OSCP1: variants seen among roughly 807,000 people sequenced by gnomAD.
The protein encoded by OSCP1 is organic solute carrier partner 1.
A neutral mutation model predicts 45.1 loss-of-function variants in OSCP1; 35 were observed. The observed-to-expected ratio is 0.78, with a 90% CI of 0.59 to 1.03. The LOEUF is 1.03. Ranked by LOEUF, OSCP1 falls within the 50% of genes least tolerant of loss-of-function variation. The pLI is 0.00. For synonymous variants in OSCP1, 179 were observed against 180.1 expected, an observed-to-expected ratio of 0.99 and a Z score of 0.05; for missense variants, 400 against 470.7, an observed-to-expected ratio of 0.85 and a Z score of 1.39.
intron 9 of OSCP1, 53 bp from the exon 10 acceptor site, chr1:36,418,308 G>T (rs17442634): frequency 1.3e-6 from 2 of 1,530,454 alleles, no homozygotes; most frequent in African/African-American, 1.4e-5. Flanking sequence ...CTGGCAGGCC[G>T]CCTCTTTGTG....
chr1:36,447,601 C>T lies in OSCP1; in HGVS notation c.112+2657G>A, dbSNP rs557228047. Among the ~76,000 whole-genome samples the T allele has an allele frequency of 2.0e-5, 3 of 152,320 alleles. No individual in the cohort carries two copies. In the South Asian group the frequency reaches 6.2e-4, roughly 32 times the overall value. The stretch of plus-strand genomic sequence containing the variant: ...TGGGCTCAAATCCTTTACTTTTCCT[C>T]CTACCAGCCATGTAACTCTGGGCAA... On this transcript the variant is annotated intron_variant, in intron 1 of 9. Coordinates refer to ENST00000235532, the MANE Select transcript of OSCP1 (RefSeq NM_145047.5). This position sits in a 1 kb window ranked among gnomAD's most constrained non-coding sequence, Gnocchi z 4.1.
chr1:36,424,418 C>T (rs1229081234), intron 4 of OSCP1, among the ~76,000 whole-genome samples: 2 of 152,306 alleles, frequency 1.3e-5, no homozygotes, highest in East Asian at 1.9e-4. Flanking sequence ...TGCCTTGGTT[C>T]CCTGCCTACT....
intron 2 of OSCP1, 64 bp downstream of exon 2, chr1:36,438,692 C>G (rs938424323): frequency 3.9e-6 from 6 of 1,539,002 alleles, no homozygotes; most frequent in Non-Finnish European, 3.5e-6. Flanking sequence ...TGACCCCAGT[C>G]TATGATCATC....
In OSCP1 at chr1:36,424,404, C is replaced by T. The variant is rs1647841583; in HGVS notation, c.517-938G>A. On this transcript the variant is annotated intron_variant, in intron 4 of 9. Coordinates refer to ENST00000235532, the MANE Select transcript of OSCP1 (RefSeq NM_145047.5). ...ACCAAAGGTGACTCCAAATTCCACC[C>T]GTATGCCTTGGTTCCCTGCCTACTT... Among the ~76,000 whole-genome samples, 10 of 152,306 alleles carry T rather than the reference C, an allele frequency of 6.6e-5. No homozygotes were observed. The South Asian group carries it at 2.1e-3, about 32-fold the overall frequency.
intron 1 of OSCP1, among the ~76,000 whole-genome samples, chr1:36,448,939 C>T (rs1414035998): frequency 6.6e-6 from 1 of 152,154 alleles, no homozygotes; most frequent in African/African-American, 2.4e-5. Flanking sequence ...TGGACAGATA[C>T]ACATTTTAGA....
At position 36,432,439 on chromosome 1, in the gene OSCP1, A is replaced by C. The variant is rs568837298; in HGVS notation, c.418T>G (p.Leu140Val). The change falls in exon 3 of 10, where the codon TTG (leucine) becomes GTG (valine). Residue 140 changes from leucine to valine, a missense_variant. By Grantham distance (32) the Leu-to-Val change is conservative. Transcript: ENST00000235532. Reference protein sequence around the residue: ...PTILQQVDETLRQLTEIYGGL... With the variant: ...PTILQQVDETVRQLTEIYGGL... ...ACTCTTACTTCTGTCAGCTGCCGCA[A>C]AGTCTCGTCCACTTGCTGCAGGATG... 6.2e-7 allele frequency: 1 copy of C among 1,614,016 alleles called. No individual in the cohort carries two copies. The highest frequency in any genetic ancestry group is 1.1e-5 in the South Asian group (1 of 91,076).
At chr1:36,418,603 A>G (rs1647416201) in intron 9 of OSCP1, 1 of 343,890 alleles carries the variant, frequency 2.9e-6, no homozygotes, top group Non-Finnish European at 5.3e-6. Context: ...CTGAAGTTCA[A>G]CGTTATATAA....
At chr1:36,424,081 A>C (rs1647822519) in intron 4 of OSCP1, among the ~76,000 whole-genome samples, 1 of 151,870 alleles carries the variant, frequency 6.6e-6, no homozygotes, top group African/African-American at 2.4e-5. Flanking sequence ...AGTAGCTGGG[A>C]CCACAGGTGT....
intron 4 of OSCP1, 52 bp downstream of exon 4, chr1:36,431,750 T>C: frequency 1.3e-6 from 2 of 1,558,062 alleles, no homozygotes; most frequent in Admixed American, 1.7e-5. Flanking sequence ...ACCAGGGTTG[T>C]TTCCCTGGTA....
chr1:36,428,445 T>C (rs1314436347), intron 4 of OSCP1: 2 of 1,613,954 alleles, frequency 1.2e-6, no homozygotes, highest in Non-Finnish European at 1.7e-6. Context: ...CTGTGAACAG[T>C]TTCTTGCATA....
At chr1:36,430,209 AT>A (rs751703883) in intron 4 of OSCP1, among the ~76,000 whole-genome samples, 8 of 150,094 alleles carry the variant, frequency 5.3e-5, no homozygotes, top group Non-Finnish European at 1.0e-4. Flanking sequence ...TGCCCAGTTA[AT>A]TTTGTATTTT....
rs996898484 is a variant in OSCP1, at chr1:36,447,053, A to G, written c.112+3205T>C. On this transcript the variant is annotated intron_variant, in intron 1 of 9. Coordinates refer to ENST00000235532, the MANE Select transcript of OSCP1 (RefSeq NM_145047.5). This position sits in a 1 kb window ranked among gnomAD's most constrained non-coding sequence, Gnocchi z 4.1. Reference sequence around the variant, plus strand: ...AACAGGGATGGCCTCCAGGAGACCAATTAGTCGTATAAGATAATGAAAACA... The same window carrying G: ...AACAGGGATGGCCTCCAGGAGACCAGTTAGTCGTATAAGATAATGAAAACA... Among the ~76,000 whole-genome samples, 1 of 152,188 alleles carries G rather than the reference A, an allele frequency of 6.6e-6. No individual in the cohort carries two copies. The highest frequency in any genetic ancestry group is 1.5e-5 in the Non-Finnish European group (1 of 68,036).
At chr1:36,436,065 T>A (rs548000877) in intron 2 of OSCP1, among the ~76,000 whole-genome samples, 1 of 151,854 alleles carries the variant, frequency 6.6e-6, no homozygotes, top group East Asian at 1.9e-4. Context: ...CCACCATCAG[T>A]CATCATGATT....
intron 2 of OSCP1, among the ~76,000 whole-genome samples, chr1:36,434,607 G>A (rs564703230): frequency 7.2e-5 from 11 of 152,072 alleles, no homozygotes; most frequent in East Asian, 1.9e-4. Context: ...AAAATTAGCC[G>A]GGTGTGGTGG....
intron 1 of OSCP1, among the ~76,000 whole-genome samples, chr1:36,446,582 A>G (rs1313492347): frequency 6.6e-6 from 1 of 152,060 alleles, no homozygotes; most frequent in Non-Finnish European, 1.5e-5. Flanking sequence ...GAAGAGAAAC[A>G]CCCTCTTTTT....
At chr1:36,439,716 T>C (rs1224657547) in intron 1 of OSCP1, among the ~76,000 whole-genome samples, 1 of 152,238 alleles carries the variant, frequency 6.6e-6, no homozygotes, top group African/African-American at 2.4e-5. Context: ...AGCACCATTT[T>C]TGAATGCCTT....
intron 8 of OSCP1, 138 bp from the exon 9 acceptor site, chr1:36,419,192 C>T (rs1647464635): frequency 1.3e-6 from 1 of 757,018 alleles, no homozygotes; most frequent in South Asian, 1.5e-5. Context: ...ACCCCATCTC[C>T]CACCAATGTA....
chr1:36,442,561 A>C (rs946681), intron 1 of OSCP1, among the ~76,000 whole-genome samples: 15,648 of 152,126 alleles, frequency 0.1, 962 homozygotes, highest in East Asian at 0.29. Flanking sequence ...TTTTTTCGAG[A>C]CTGGTCTGAT....
intron 4 of OSCP1, chr1:36,428,361 A>AT (rs781184510): frequency 3.7e-6 from 6 of 1,613,984 alleles, no homozygotes; most frequent in Non-Finnish European, 5.1e-6. Flanking sequence ...TCAAAAGGGT[A>AT]TACATAATGG....
Sources: allele counts gnomAD v4.1 joint callset (sites outside exome capture counted in the v4.1 genomes callset), GRCh38; gene constraint gnomAD v4.1.1; non-coding constraint Gnocchi (gnomAD v3.1); transcripts MANE v1.5; gene names NCBI Gene and HGNC (gene_info 2026-07-23, HGNC 2026-07-21).